The following GREB1 variants were observed in gnomAD, a reference collection of about 807,000 sequenced individuals.
GREB1 encodes growth regulating estrogen receptor binding 1.
GREB1 carries 106 observed loss-of-function variants against 200.7 expected under a neutral mutation model. That is an observed-to-expected ratio of 0.53 (90% confidence interval 0.45 to 0.62). The LOEUF is 0.62. Among genes scored for constraint, GREB1 ranks in the 20% least tolerant of loss-of-function variants. The probability of loss-of-function intolerance (pLI) is 0.00; values close to 1 mark genes in which losing one functional copy is unlikely to be tolerated. For synonymous variants in GREB1, 1,132 were observed against 1,092.4 expected, an observed-to-expected ratio of 1.04 and a Z score of -0.72; for missense variants, 2,243 against 2,556.8, an observed-to-expected ratio of 0.88 and a Z score of 2.65.
Position 11,640,602 on chromosome 2 carries a change from C to T in GREB1, c.*148C>T, listed in dbSNP as rs939194677. 1.2e-6 allele frequency: 1 copy of T among 856,432 alleles called. No individual in the cohort carries two copies. Among genetic ancestry groups the T allele is most frequent in the African/African-American group, 1.7e-5 (1 of 58,590 alleles). The allele number at this position is 856,432 out of a possible 1,614,324, so 53.1% of individuals were successfully genotyped here. A position where few individuals can be genotyped will look rare whatever the true frequency, so the allele number is the denominator to read the frequency against. ...CAGCCCCTCCTAGTACACATGGGCC[C>T]CCGAGGCCGTGGTCCTGGGAGCCAG... On this transcript the variant is annotated 3_prime_UTR_variant, in exon 33 of 33. Transcript: ENST00000381486. This position sits in a 1 kb window ranked among gnomAD's most constrained non-coding sequence, Gnocchi z 4.6.
At chr2:11,634,572 C>G (rs1459732411) in intron 29 of GREB1, among the ~76,000 whole-genome samples, 3 of 152,226 alleles carry the variant, frequency 2.0e-5, no homozygotes, top group African/African-American at 7.2e-5. Flanking sequence ...TTATATTGGA[C>G]TGTGTGTTTT....
In GREB1 at chr2:11,598,609, A is replaced by G. The variant is rs181025971; in HGVS notation, c.2153-71A>G. The G allele has an allele frequency of 1.2e-4, 159 of 1,378,400 alleles. No individual in the cohort carries two copies. In the Admixed American group the frequency reaches 2.7e-3, roughly 24 times the overall value. 85.4% of individuals were successfully genotyped at this position (1,378,400 alleles called of 1,614,324 possible). A position where few individuals can be genotyped will look rare whatever the true frequency, so the allele number is the denominator to read the frequency against. On this transcript the variant is annotated intron_variant, in intron 14 of 32. Coordinates refer to ENST00000381486, the MANE Select transcript of GREB1 (RefSeq NM_014668.4). ...ACCTGCTGTGTAGGAGTCGCTCCTC[A>G]GGTGTCTGTTGAGTGAATGAAACCC... is the stretch of plus-strand genomic sequence containing the variant.
upstream of GREB1, among the ~76,000 whole-genome samples, chr2:11,532,259 G>A (rs576319351): frequency 6.6e-6 from 1 of 152,280 alleles, no homozygotes; most frequent in East Asian, 1.9e-4. Context: ...TTCTGGTAGG[G>A]GCCGGGAAAC....
rs961666404 is a variant in GREB1 at position 11,586,573 on chromosome 2, A to G, written c.1159+668A>G. Among the ~76,000 whole-genome samples the G allele has an allele frequency of 4.6e-5, 7 of 152,312 alleles. No homozygotes were observed. The East Asian group carries it at 1.4e-3, about 29-fold the overall frequency. On this transcript the variant is annotated intron_variant, in intron 9 of 32. Coordinates refer to ENST00000381486, the MANE Select transcript of GREB1 (RefSeq NM_014668.4). ...ATATGTAGGCACCAGAATGGCTGGCACATGGCAACACACACATACATACAC... is the reference window on the plus strand; with the variant it reads ...ATATGTAGGCACCAGAATGGCTGGCGCATGGCAACACACACATACATACAC...
At chr2:11,491,697 A>G (rs75906878) in intron 1 of GREB1, among the ~76,000 whole-genome samples, 5,275 of 152,286 alleles carry the variant, frequency 0.035, 306 homozygotes, top group African/African-American at 0.11. Context: ...CTTGGCATGT[A>G]GTAGGTCTTA....
chr2:11,599,652 C>G (rs1681601382), intron 15 of GREB1, among the ~76,000 whole-genome samples: 1 of 151,900 alleles, frequency 6.6e-6, no homozygotes, highest in African/African-American at 2.4e-5. Context: ...TCCTGAGTAG[C>G]TGGGACTACA....
intron 1 of GREB1, among the ~76,000 whole-genome samples, chr2:11,512,099 A>G (rs1442063916): frequency 6.6e-6 from 1 of 152,378 alleles, no homozygotes; most frequent in East Asian, 1.9e-4. Flanking sequence ...GAAATACATT[A>G]AAACAATTGA....
At chr2:11,630,755 A>T (rs377192657) in intron 26 of GREB1, among the ~76,000 whole-genome samples, 2 of 152,348 alleles carry the variant, frequency 1.3e-5, no homozygotes, top group South Asian at 2.1e-4. Context: ...TCTTTTGAAG[A>T]GGTCGTTCTG....
At chr2:11,557,628 T>G (rs1226226855) in intron 2 of GREB1, among the ~76,000 whole-genome samples, 1 of 152,200 alleles carries the variant, frequency 6.6e-6, no homozygotes, top group East Asian at 1.9e-4. Context: ...GGTGCTTGTC[T>G]TCAAGGGGCC....
In GREB1 at chr2:11,638,673, T is replaced by C. The variant is rs1323037280; in HGVS notation, c.5550T>C (p.Ile1850=). The C allele has an allele frequency of 1.9e-6, 3 of 1,609,690 alleles. No individual in the cohort carries two copies. Among genetic ancestry groups the C allele is most frequent in the Non-Finnish European group, 8.5e-7 (1 of 1,179,048 alleles). ...VDCYLNLGSQ[I]SVCYVSSRPH... is the part of the protein sequence containing the mutation. ...CTCTTGGATTTCTTCTTTTTCAGAT[T>C]TCTGTTTGCTATGTGAGCTCCAGGC... The change falls in exon 32 of 33, where the codon ATT becomes ATC. Residue 1850 remains isoleucine, a splice_region_variant and synonymous_variant. Coordinates refer to ENST00000381486, the MANE Select transcript of GREB1 (RefSeq NM_014668.4).
intron 30 of GREB1, among the ~76,000 whole-genome samples, chr2:11,636,050 G>C (rs1411832347): frequency 1.3e-5 from 2 of 152,190 alleles, no homozygotes; most frequent in Non-Finnish European, 2.9e-5. Flanking sequence ...CCTTGTCTCT[G>C]TAAACTCCTG....
rs201275290 is a variant in GREB1, at chr2:11,627,000, C to G, written c.4345C>G (p.Arg1449Gly). The change falls in exon 25 of 33, where the codon CGG becomes GGG. Residue 1449 changes from arginine to glycine, a missense_variant. Coordinates refer to ENST00000381486, the MANE Select transcript of GREB1 (RefSeq NM_014668.4). ...CCGGAAGCCGGAGGACCTTTATGTG[C>G]GGCGTCAGACGGCACGGATGAGACT... Reference protein sequence around the residue: ...MSRKPEDLYVRRQTARMRLSK... With the variant: ...MSRKPEDLYVGRQTARMRLSK... 6.2e-7 allele frequency: 1 copy of G among 1,613,806 alleles called. No individual in the cohort carries two copies. The highest frequency in any genetic ancestry group is 8.5e-7 in the Non-Finnish European group (1 of 1,179,810).
chr2:11,497,458 A>T (rs556086321), intron 1 of GREB1, among the ~76,000 whole-genome samples: 1 of 152,224 alleles, frequency 6.6e-6, no homozygotes, highest in Non-Finnish European at 1.5e-5. Flanking sequence ...TTGTGTAAAC[A>T]TATGTTGTAA....
At chr2:11,537,393 C>A (rs1674342313) in intron 1 of GREB1, among the ~76,000 whole-genome samples, 1 of 152,126 alleles carries the variant, frequency 6.6e-6, no homozygotes, top group East Asian at 1.9e-4. Flanking sequence ...CCATGCTAAG[C>A]ACCCTATACA....
intron 24 of GREB1, 57 bp downstream of exon 24, chr2:11,625,369 A>C: frequency 6.5e-7 from 1 of 1,534,166 alleles, no homozygotes; most frequent in Non-Finnish European, 9.0e-7. Flanking sequence ...AGCCTCTTAA[A>C]GGGATGAGCT....
chr2:11,610,452 G>A (rs147365173), intron 17 of GREB1, among the ~76,000 whole-genome samples: 216 of 152,296 alleles, frequency 1.4e-3, no homozygotes, highest in African/African-American at 5.1e-3. Context: ...CTGGAAAAAC[G>A]TAATAACAAC....
At chr2:11,499,008 A>G (rs1003831590) in intron 1 of GREB1, among the ~76,000 whole-genome samples, 10 of 152,228 alleles carry the variant, frequency 6.6e-5, no homozygotes, top group African/African-American at 2.4e-4. Context: ...TAATTACACA[A>G]ACATGTTCCT....
intron 1 of GREB1, among the ~76,000 whole-genome samples, chr2:11,499,116 T>G (rs1468956507): frequency 6.6e-6 from 1 of 152,258 alleles, no homozygotes; most frequent in African/African-American, 2.4e-5. Context: ...AGGCAGATTG[T>G]CTTTTTTGTT....
At chr2:11,517,610 G>A (rs1484732980) in intron 1 of GREB1, 1 of 152,082 alleles carries the variant, frequency 6.6e-6, no homozygotes, top group Non-Finnish European at 1.5e-5. Context: ...TTGTGCTAAT[G>A]AAATTCTTGT....
Sources: allele counts gnomAD v4.1 joint callset (sites outside exome capture counted in the v4.1 genomes callset), GRCh38; gene constraint gnomAD v4.1.1; non-coding constraint Gnocchi (gnomAD v3.1); transcripts MANE v1.5; gene names NCBI Gene and HGNC (gene_info 2026-07-23, HGNC 2026-07-21).